JAZF1: variants seen among roughly 807,000 people sequenced by gnomAD.
JAZF1 encodes the protein juxtaposed with another zinc finger protein 1.
In JAZF1, 8 loss-of-function variants were observed where a neutral mutation model predicts 26.4. The ratio of observed to expected loss-of-function variants is 0.30; its 90% CI spans 0.18 to 0.55. JAZF1 has a LOEUF of 0.55. Ranked by LOEUF, JAZF1 falls within the 20% of genes least tolerant of loss-of-function variation. The probability of loss-of-function intolerance (pLI) is 0.94; values close to 1 mark genes in which losing one functional copy is unlikely to be tolerated. For missense variants in JAZF1, 199 were observed against 322.0 expected (o/e 0.62, Z 2.92); for synonymous variants, 126 against 122.3 (o/e 1.03, Z -0.20).
intron 2 of JAZF1, among the ~76,000 whole-genome samples, chr7:27,987,237 C>T (rs911712938): frequency 1.3e-5 from 2 of 151,350 alleles, no homozygotes; most frequent in Admixed American, 1.3e-4. Flanking sequence ...CGCCCATCGT[C>T]TGAGATGTGG....
chr7:27,925,576 C>T (rs567432702), intron 2 of JAZF1, among the ~76,000 whole-genome samples: 7 of 152,192 alleles, frequency 4.6e-5, no homozygotes, highest in Non-Finnish European at 8.8e-5. Flanking sequence ...CATGGGTCAC[C>T]GTGCCTCACT....
chr7:27,977,603 A>T (rs1785499855), intron 2 of JAZF1, among the ~76,000 whole-genome samples: 1 of 152,166 alleles, frequency 6.6e-6, no homozygotes, highest in Non-Finnish European at 1.5e-5. Context: ...TAAGACTCAA[A>T]GTCTTACCCC....
intron 1 of JAZF1, among the ~76,000 whole-genome samples, chr7:28,160,289 C>G (rs915070558): frequency 6.6e-6 from 1 of 152,132 alleles, no homozygotes; most frequent in Admixed American, 6.5e-5. Context: ...ATAACCCAGG[C>G]AGAACTCCGC....
At chr7:27,916,292 A>T (rs1232177032) in intron 2 of JAZF1, among the ~76,000 whole-genome samples, 1 of 151,960 alleles carries the variant, frequency 6.6e-6, no homozygotes, top group Non-Finnish European at 1.5e-5. Context: ...GATCAGTGGA[A>T]TTTTTTTTCT....
At chr7:27,839,134 G>A (rs527696503) in intron 4 of JAZF1, among the ~76,000 whole-genome samples, 53 of 152,370 alleles carry the variant, frequency 3.5e-4, no homozygotes, top group African/African-American at 1.2e-3. Flanking sequence ...TGCCTCCCCT[G>A]CACCCTGTGC....
At chr7:28,027,611 T>C (rs931981117) in intron 1 of JAZF1, among the ~76,000 whole-genome samples, 2 of 152,104 alleles carry the variant, frequency 1.3e-5, no homozygotes, top group Non-Finnish European at 2.9e-5. Context: ...GGGAGAGCAC[T>C]CTCATCTCAG....
intron 3 of JAZF1, among the ~76,000 whole-genome samples, chr7:27,858,085 C>T (rs1312032101): frequency 2.6e-5 from 4 of 152,166 alleles, no homozygotes; most frequent in Admixed American, 1.3e-4. Context: ...AAATCACAAG[C>T]ATTCCTATAC....
At chr7:28,105,500 A>G (rs1376294585) in intron 1 of JAZF1, among the ~76,000 whole-genome samples, 2 of 152,192 alleles carry the variant, frequency 1.3e-5, no homozygotes, top group Non-Finnish European at 2.9e-5. Flanking sequence ...TATTTCAGGA[A>G]TGCGCAGAGT....
At chr7:27,964,289 G>GA (rs11439005) in intron 2 of JAZF1, among the ~76,000 whole-genome samples, 15,163 of 152,030 alleles carry the variant, frequency 0.1, 800 homozygotes, top group South Asian at 0.14. Context: ...TTGGAACAAT[G>GA]AAAAATGTTT....
intron 1 of JAZF1, among the ~76,000 whole-genome samples, chr7:28,001,442 G>C (rs1786159751): frequency 6.6e-6 from 1 of 152,050 alleles, no homozygotes; most frequent in Non-Finnish European, 1.5e-5. Context: ...TCAATATAGA[G>C]GAATATACTT....
intron 1 of JAZF1, among the ~76,000 whole-genome samples, chr7:28,139,718 ATATATT>A (rs936535574): frequency 2.6e-5 from 4 of 151,896 alleles, no homozygotes; most frequent in Non-Finnish European, 5.9e-5. Context: ...CCAGGAAACC[ATATATT>A]TAGGATTTGC....
At chr7:28,075,812 T>A (rs1784042625) in intron 1 of JAZF1, among the ~76,000 whole-genome samples, 1 of 152,262 alleles carries the variant, frequency 6.6e-6, no homozygotes, top group South Asian at 2.1e-4. Context: ...ATGGGCTTGC[T>A]AAGTCCTTGA....
At chr7:27,898,304 T>TATATATATATATATATATATACATAC (rs375859244) in intron 2 of JAZF1, among the ~76,000 whole-genome samples, 1 of 128,932 alleles carries the variant, frequency 7.8e-6, no homozygotes, top group Admixed American at 7.9e-5. Flanking sequence ...TATATATATA[T>TATATATATATATATATATATACATAC]ACATCGGTTT....
chr7:28,118,959 A>T (rs902383071), intron 1 of JAZF1, among the ~76,000 whole-genome samples: 1 of 152,214 alleles, frequency 6.6e-6, no homozygotes, highest in African/African-American at 2.4e-5. Flanking sequence ...CATAATAAAT[A>T]AAGGCAATGC....
intron 1 of JAZF1, among the ~76,000 whole-genome samples, chr7:28,093,231 G>A (rs748611815): frequency 1.2e-4 from 19 of 152,140 alleles, no homozygotes; most frequent in Non-Finnish European, 2.1e-4. Context: ...GACCAGGTGG[G>A]AGATAACTGA....
At chr7:27,858,488 A>G (rs1206749940) in intron 3 of JAZF1, among the ~76,000 whole-genome samples, 1 of 152,208 alleles carries the variant, frequency 6.6e-6, no homozygotes, top group Non-Finnish European at 1.5e-5. Context: ...ACTATACTAC[A>G]AGGGTACAGT....
At chr7:27,929,457 A>G (rs1784652016) in intron 2 of JAZF1, among the ~76,000 whole-genome samples, 1 of 152,244 alleles carries the variant, frequency 6.6e-6, no homozygotes, top group African/African-American at 2.4e-5. Flanking sequence ...GAAAACCTTC[A>G]CTACAGGGTA....
chr7:27,950,625 G>A (rs1784993549), intron 2 of JAZF1, among the ~76,000 whole-genome samples: 2 of 152,106 alleles, frequency 1.3e-5, no homozygotes, highest in African/African-American at 4.8e-5. Context: ...TCAAACACAG[G>A]TCTGGTACTT....
intron 1 of JAZF1, among the ~76,000 whole-genome samples, chr7:28,142,328 A>T (rs780748087): frequency 1.1e-4 from 16 of 152,156 alleles, no homozygotes; most frequent in Non-Finnish European, 2.1e-4. Context: ...AACAATTCCA[A>T]CAAAGGTACT....
Sources: gnomAD v4.1 joint callset for allele counts (sites outside exome capture counted in the v4.1 genomes callset) on GRCh38, gnomAD v4.1.1 for gene constraint, MANE v1.5 for transcripts, NCBI Gene and HGNC (gene_info 2026-07-23, HGNC 2026-07-21) for gene names.